The following MACF1 variants were observed in gnomAD, a reference collection of about 807,000 sequenced individuals.
The protein encoded by MACF1 is microtubule-actin cross-linking factor 1.
A neutral mutation model predicts 854.8 loss-of-function variants in MACF1; 193 were observed. The ratio of observed to expected loss-of-function variants is 0.23; its 90% CI spans 0.20 to 0.25. The LOEUF (loss-of-function observed/expected upper bound fraction) is 0.25, where lower values mean the gene tolerates loss of function less well. Among genes scored for constraint, MACF1 ranks in the 10% least tolerant of loss-of-function variants. The probability of loss-of-function intolerance (pLI) is 1.00; values close to 1 mark genes in which losing one functional copy is unlikely to be tolerated. For synonymous variants in MACF1, 3,185 were observed against 3,226.7 expected, an observed-to-expected ratio of 0.99 and a Z score of 0.44; for missense variants, 7,722 against 8,929.1, an observed-to-expected ratio of 0.86 and a Z score of 5.45.
intron 2 of MACF1, among the ~76,000 whole-genome samples, chr1:39,241,659 C>CAAA (rs35678466): frequency 0.018 from 947 of 51,222 alleles, 24 homozygotes; most frequent in Non-Finnish European, 0.023. Context: ...GACTCCATCT[C>CAAA]AAAAAAAAAA....
At chr1:39,138,728 A>G (rs1006087545) in intron 2 of MACF1, among the ~76,000 whole-genome samples, 2 of 151,814 alleles carry the variant, frequency 1.3e-5, no homozygotes, top group Non-Finnish European at 2.9e-5. Context: ...GCAATGGCGC[A>G]ATCTCAGCTC....
chr1:39,331,200 TAG>T lies in MACF1; in HGVS notation c.4615-2_4615-1del. ...TTTTTTTTTTTTTTTTTTTTTTTTT[TAG>T]GAATGCAGAGCAGTTGCTGGGGTGA... On this transcript the variant is annotated splice_acceptor_variant, in intron 36 of 100. Transcript: ENST00000564288. LOFTEE classifies it high-confidence loss of function. The T allele has an allele frequency of 6.2e-6, 7 of 1,122,866 alleles. No individual in the cohort carries two copies. The highest frequency in any genetic ancestry group is 3.3e-5 in the East Asian group (1 of 30,360). The allele number at this position is 1,122,866 out of a possible 1,614,324, so 69.6% of individuals were successfully genotyped here.
intron 6 of MACF1, among the ~76,000 whole-genome samples, chr1:39,261,863 T>C (rs547184378): frequency 6.6e-6 from 1 of 152,330 alleles, no homozygotes; most frequent in South Asian, 2.1e-4. Context: ...TGTTTAGCTT[T>C]TAAAGAAACT....
chr1:39,313,725 G>T (rs922265634), intron 26 of MACF1, among the ~76,000 whole-genome samples: 4 of 152,022 alleles, frequency 2.6e-5, no homozygotes, highest in Non-Finnish European at 4.4e-5. Flanking sequence ...GCCCCTTCAA[G>T]CTGGCTTTTT....
chr1:39,324,816 G>A (rs1343140774), intron 35 of MACF1, 82 bp downstream of exon 35: 1 of 1,069,860 alleles, frequency 9.3e-7, no homozygotes, highest in African/African-American at 1.6e-5. Context: ...TGAGATTTCA[G>A]AATGGAGAAT....
At chr1:39,134,353 C>T (rs1031621418) in intron 2 of MACF1, among the ~76,000 whole-genome samples, 6 of 152,026 alleles carry the variant, frequency 3.9e-5, no homozygotes, top group African/African-American at 1.2e-4. Flanking sequence ...GCCAGAAGAA[C>T]AGTCTTAACA....
chr1:39,240,326 C>G (rs3120279), intron 2 of MACF1, among the ~76,000 whole-genome samples: 1 of 152,106 alleles, frequency 6.6e-6, no homozygotes, highest in African/African-American at 2.4e-5. Flanking sequence ...CTACATGTGA[C>G]TATATGGTAG....
intron 58 of MACF1, among the ~76,000 whole-genome samples, chr1:39,398,503 C>G (rs1046634873): frequency 1.3e-5 from 2 of 152,118 alleles, no homozygotes; most frequent in East Asian, 3.9e-4. Context: ...TGCTGCGAAA[C>G]AACCTACAAT....
intron 61 of MACF1, 48 bp downstream of exon 61, chr1:39,424,242 C>T: frequency 6.6e-7 from 1 of 1,509,810 alleles, no homozygotes; most frequent in Non-Finnish European, 9.1e-7. Context: ...TTGTTTTGTT[C>T]TTCTTCGACT....
intron 15 of MACF1, among the ~76,000 whole-genome samples, chr1:39,291,012 C>T (rs1029070647): frequency 6.6e-6 from 1 of 151,464 alleles, no homozygotes; most frequent in African/African-American, 2.4e-5. Flanking sequence ...CACTCCGTCA[C>T]CCAGGCTGGA....
rs190065226 is a variant in MACF1 at position 39,472,436 on chromosome 1, C to T, written c.21958+2821C>T. Among the ~76,000 whole-genome samples, 6 of 152,300 alleles carry T rather than the reference C, an allele frequency of 3.9e-5. No homozygotes were observed. In the East Asian group the frequency reaches 1.2e-3, roughly 29 times the overall value. On this transcript the variant is annotated intron_variant, in intron 97 of 100. Coordinates refer to ENST00000564288, the MANE Select transcript of MACF1 (RefSeq NM_001394062.1). ...TGTTTGTTGTCGCCTCCTCCCATCC[C>T]AGCCTTTTCTATTATCAAAGTAAAA...
chr1:39,292,575 C>T (rs945593954), intron 16 of MACF1, among the ~76,000 whole-genome samples, 191 bp from the exon 17 acceptor site: 1 of 152,192 alleles, frequency 6.6e-6, no homozygotes, highest in Non-Finnish European at 1.5e-5. Context: ...TTACCCTGCT[C>T]AACTGTTGCT....
In MACF1 at chr1:39,333,498, C is replaced by G; in HGVS notation, c.6910C>G (p.Gln2304Glu). The change falls in exon 37 of 101, where the codon CAA becomes GAA. Residue 2304 changes from glutamine to glutamate, a missense_variant. Coordinates refer to ENST00000564288, the MANE Select transcript of MACF1 (RefSeq NM_001394062.1). ...DGGIFHEQTG[Q>E]KLLLNEAISR... is the part of the protein sequence containing the mutation. ...TGGTATCTTTCATGAACAAACAGGTCAAAAGCTCTTACTAAATGAAGCAAT... is the reference window on the plus strand; with the variant it reads ...TGGTATCTTTCATGAACAAACAGGTGAAAAGCTCTTACTAAATGAAGCAAT... 6.2e-7 allele frequency: 1 copy of G among 1,614,086 alleles called. No homozygotes were observed. The highest frequency in any genetic ancestry group is 8.5e-7 in the Non-Finnish European group (1 of 1,180,004).
intron 95 of MACF1, 54 bp downstream of exon 95, chr1:39,465,166 A>G (rs1476044651): frequency 1.3e-6 from 2 of 1,559,008 alleles, no homozygotes; most frequent in Non-Finnish European, 1.8e-6. Context: ...CTGTGTAGCT[A>G]ATGCTGCCTG....
At chr1:39,179,043 A>C (rs1465176759) in intron 2 of MACF1, among the ~76,000 whole-genome samples, 1 of 152,208 alleles carries the variant, frequency 6.6e-6, no homozygotes, top group Non-Finnish European at 1.5e-5. Context: ...GTGATATTTT[A>C]ACTTCTGTTT....
intron 6 of MACF1, among the ~76,000 whole-genome samples, chr1:39,263,776 T>TC (rs914449501): frequency 1.5e-5 from 2 of 131,118 alleles, no homozygotes; most frequent in African/African-American, 6.0e-5. Context: ...TTTTTCTTTT[T>TC]TTTTTTTTTT....
intron 2 of MACF1, among the ~76,000 whole-genome samples, chr1:39,165,981 C>G (rs1217581454): frequency 6.6e-6 from 1 of 152,094 alleles, no homozygotes; most frequent in Admixed American, 6.5e-5. Flanking sequence ...TGAGAACTTT[C>G]TGACAGGATA....
At chr1:39,274,456 C>T (rs1466670742) in intron 6 of MACF1, among the ~76,000 whole-genome samples, 1 of 152,052 alleles carries the variant, frequency 6.6e-6, no homozygotes, top group Non-Finnish European at 1.5e-5. Context: ...TCATTATTCC[C>T]TAAACAAGAT....
chr1:39,478,317 G>A (rs1397027736), intron 97 of MACF1, among the ~76,000 whole-genome samples: 2 of 152,092 alleles, frequency 1.3e-5, no homozygotes, highest in African/African-American at 4.8e-5. Context: ...GTCATGTATT[G>A]TTGAGGCTTG....
Sources: allele counts gnomAD v4.1 joint callset (sites outside exome capture counted in the v4.1 genomes callset), GRCh38; gene constraint gnomAD v4.1.1; transcripts MANE v1.5; gene names NCBI Gene and HGNC (gene_info 2026-07-23, HGNC 2026-07-21).